Variants in TBC1D4 observed in about 807,000 individuals in gnomAD.
TBC1D4 encodes TBC1 domain family member 4.
TBC1D4 carries 121 observed loss-of-function variants against 142.5 expected under a neutral mutation model. That is an observed-to-expected ratio of 0.85 (90% CI 0.73 to 0.99). The LOEUF is 0.99. Ranked by LOEUF, TBC1D4 falls within the 50% of genes least tolerant of loss-of-function variation. The pLI is 0.00. For synonymous variants in TBC1D4, 630 were observed against 628.2 expected (o/e 1.00, Z -0.04); for missense variants, 1,475 against 1,606.6 (o/e 0.92, Z 1.40).
At chr13:75,425,718 G>C (rs937454452) in intron 1 of TBC1D4, among the ~76,000 whole-genome samples, 2 of 152,124 alleles carry the variant, frequency 1.3e-5, no homozygotes, top group Admixed American at 6.5e-5. Flanking sequence ...GGCACAGAAA[G>C]ACAAATACCA....
At chr13:75,461,584 T>A (rs963650872) in intron 1 of TBC1D4, among the ~76,000 whole-genome samples, 2 of 152,232 alleles carry the variant, frequency 1.3e-5, no homozygotes, top group African/African-American at 4.8e-5. Flanking sequence ...TTTAACTTGA[T>A]TCAACCTGTA....
chr13:75,356,018 A>C, intron 4 of TBC1D4, 129 bp downstream of exon 4: 1 of 737,048 alleles, frequency 1.4e-6, no homozygotes, highest in Non-Finnish European at 2.4e-6. Context: ...AAGGGGAGGA[A>C]CATATTTCTA....
At position 75,285,834 on chromosome 13, in the gene TBC1D4, TA is replaced by T. The variant is rs1316621226; in HGVS notation, c.*957del. 2.0e-4 allele frequency: 30 copies of T among 152,742 alleles called. No individual in the cohort carries two copies. The highest frequency in any genetic ancestry group is 6.5e-4 in the African/African-American group (27 of 41,574). The allele number at this position is 152,742 out of a possible 1,614,324, so 9.5% of individuals were successfully genotyped here. A position where few individuals can be genotyped will look rare whatever the true frequency, so the allele number is the denominator to read the frequency against. Reference sequence around the variant, plus strand: ...ATACTGAATTTAAGGTAGAGAGACCTAAATTACAAGCACTCACAATTTGGTG... The same window carrying T: ...ATACTGAATTTAAGGTAGAGAGACCTAATTACAAGCACTCACAATTTGGTG... On this transcript the variant is annotated 3_prime_UTR_variant, in exon 21 of 21. Transcript: ENST00000377636.
intron 8 of TBC1D4, among the ~76,000 whole-genome samples, chr13:75,331,568 A>C (rs1879747596): frequency 6.6e-6 from 1 of 152,116 alleles, no homozygotes; most frequent in Admixed American, 6.5e-5. Context: ...AAATAAAAGC[A>C]ACAGATAGCC....
Position 75,481,437 on chromosome 13 carries a change from G to A in TBC1D4, c.331C>T (p.Gln111Ter). The change falls in exon 1 of 21, where the codon CAG becomes TAG. Residue 111 changes from glutamine to a stop codon, truncating the protein, a stop_gained. Coordinates refer to ENST00000377636, the MANE Select transcript of TBC1D4 (RefSeq NM_014832.5). LOFTEE classifies it high-confidence loss of function. ...ASGGTSPSATQPNPAVFIFEH... is the reference protein window; with the variant it reads ...ASGGTSPSAT ...AAGATGAATACCGCCGGGTTGGGCT[G>A]CGTGGCCGACGGACTAGTGCCCCCC... is the stretch of plus-strand genomic sequence containing the variant. 1.2e-6 allele frequency: 2 copies of A among 1,613,862 alleles called. No homozygotes were observed. Among genetic ancestry groups the A allele is most frequent in the Non-Finnish European group, 8.5e-7 (1 of 1,179,794 alleles).
intron 10 of TBC1D4, among the ~76,000 whole-genome samples, chr13:75,325,198 A>C (rs980237636): frequency 5.3e-5 from 8 of 152,192 alleles, no homozygotes; most frequent in Non-Finnish European, 1.2e-4. Context: ...CTTGATATAC[A>C]TATGACTACT....
intron 1 of TBC1D4, among the ~76,000 whole-genome samples, chr13:75,376,563 A>C (rs909928203): frequency 1.3e-5 from 2 of 152,100 alleles, no homozygotes; most frequent in African/African-American, 4.8e-5. Context: ...TTTTTAGTAG[A>C]GACGAGATGG....
chr13:75,382,057 C>G (rs1883885141), intron 1 of TBC1D4, among the ~76,000 whole-genome samples: 1 of 151,572 alleles, frequency 6.6e-6, no homozygotes, highest in African/African-American at 2.4e-5. Context: ...TGGGGAATCT[C>G]CAGCACTTTT....
At chr13:75,388,458 GAA>G (rs1193019939) in intron 1 of TBC1D4, among the ~76,000 whole-genome samples, 1 of 152,088 alleles carries the variant, frequency 6.6e-6, no homozygotes, top group Non-Finnish European at 1.5e-5. Context: ...TAAATTTTAA[GAA>G]ACTGAATAAA....
At chr13:75,396,019 C>T (rs761175880) in intron 1 of TBC1D4, among the ~76,000 whole-genome samples, 1 of 152,108 alleles carries the variant, frequency 6.6e-6, no homozygotes, top group African/African-American at 2.4e-5. Flanking sequence ...CAAAGTCCCT[C>T]GTTTTTCTCA....
At chr13:75,296,049 C>A (rs1024901580) in intron 17 of TBC1D4, among the ~76,000 whole-genome samples, 4 of 151,630 alleles carry the variant, frequency 2.6e-5, no homozygotes, top group Non-Finnish European at 4.4e-5. Context: ...GGAAAAAAAT[C>A]AAAAACTATG....
chr13:75,376,373 ACATT>A lies in TBC1D4; in HGVS notation c.499-13770_499-13767del, dbSNP rs1480317542. On this transcript the variant is annotated intron_variant, in intron 1 of 20. Transcript: ENST00000377636. ...CAAATACAATCATGTTCTTCTGGTGACATTTTTTTTTTTTTTTTTTTTGAGATGG... is the reference window on the plus strand; with the variant it reads ...CAAATACAATCATGTTCTTCTGGTGATTTTTTTTTTTTTTTTTTGAGATGG... Among the ~76,000 whole-genome samples, 42 of 85,392 alleles carry A rather than the reference ACATT, an allele frequency of 4.9e-4. No individual in the cohort carries two copies. In the East Asian group the frequency reaches 0.014, roughly 28 times the overall value. 56.0% of individuals were successfully genotyped at this position (85,392 alleles called of 152,430 possible).
chr13:75,456,701 A>G (rs1472404420), intron 1 of TBC1D4, among the ~76,000 whole-genome samples: 1 of 150,876 alleles, frequency 6.6e-6, no homozygotes, highest in Non-Finnish European at 1.5e-5. Context: ...TGCTGGTGGG[A>G]GTAGAAACTG....
chr13:75,326,408 C>T lies in TBC1D4; in HGVS notation c.1822G>A (p.Asp608Asn), dbSNP rs751779544. The change falls in exon 10 of 21, where the codon GAT becomes AAT. Residue 608 changes from aspartate to asparagine, a missense_variant. Around this residue, in one of 2 missense-constraint regions of TBC1D4, gnomAD observed 1,227 missense variants for 1,267.7 expected, o/e 0.97. Transcript: ENST00000377636. ...LASEKDYSPG[D>N]SPPGTPPASP... ...GCTGGCGGTGTCCCTGGTGGAGAAT[C>T]CCCTGGTGAGTAGTCCTGAAACACA... 1.2e-6 allele frequency: 2 copies of T among 1,614,020 alleles called. No individual in the cohort carries two copies. The highest frequency in any genetic ancestry group is 2.7e-5 in the African/African-American group (2 of 74,912).
intron 1 of TBC1D4, among the ~76,000 whole-genome samples, chr13:75,458,204 G>C (rs1887818737): frequency 1.3e-5 from 2 of 152,100 alleles, no homozygotes; most frequent in South Asian, 4.1e-4. Flanking sequence ...ATCTCTGCAG[G>C]ATGGATGGGG....
At chr13:75,411,595 G>A (rs1183107505) in intron 1 of TBC1D4, among the ~76,000 whole-genome samples, 3 of 151,886 alleles carry the variant, frequency 2.0e-5, no homozygotes, top group Admixed American at 6.6e-5. Context: ...GTGTGATCTC[G>A]GCTCACTGCA....
intron 1 of TBC1D4, among the ~76,000 whole-genome samples, chr13:75,479,689 C>T (rs1291936564): frequency 6.6e-6 from 1 of 151,558 alleles, no homozygotes; most frequent in Non-Finnish European, 1.5e-5. Context: ...CCACCAGAAC[C>T]AGAAAAATGT....
chr13:75,326,460 CG>C, intron 9 of TBC1D4, 37 bp from the exon 10 acceptor site: 1 of 1,608,854 alleles, frequency 6.2e-7, no homozygotes, highest in Non-Finnish European at 8.5e-7. Context: ...TTATTTCCCA[CG>C]TGGGTCATGG....
intron 1 of TBC1D4, among the ~76,000 whole-genome samples, chr13:75,397,148 GA>G (rs879612516): frequency 4.0e-5 from 6 of 148,892 alleles, no homozygotes; most frequent in Admixed American, 1.3e-4. Flanking sequence ...GAGAAGGCAA[GA>G]AAAAAAAATG....
Sources: allele counts gnomAD v4.1 joint callset (sites outside exome capture counted in the v4.1 genomes callset), GRCh38; gene constraint gnomAD v4.1.1; regional missense constraint gnomAD v4.1.1; transcripts MANE v1.5; gene names NCBI Gene and HGNC (gene_info 2026-07-23, HGNC 2026-07-21).